The following ZPBP variants were observed in gnomAD, a reference collection of about 807,000 sequenced individuals.
The protein encoded by ZPBP is zona pellucida binding protein, also known as zona pellucida-binding protein 1.
In ZPBP, 26 loss-of-function variants were observed where a neutral mutation model predicts 44.8. The ratio of observed to expected loss-of-function variants is 0.58; its 90% CI spans 0.43 to 0.81. The LOEUF (loss-of-function observed/expected upper bound fraction) is 0.81, where lower values mean the gene tolerates loss of function less well. ZPBP is among the 30% of genes least tolerant of loss of function. The probability of loss-of-function intolerance (pLI) is 0.00; values close to 1 mark genes in which losing one functional copy is unlikely to be tolerated. For missense variants in ZPBP, 409 were observed against 434.0 expected (o/e 0.94, Z 0.51); for synonymous variants, 174 against 153.2 (o/e 1.14, Z -1.00).
chr7:50,041,266 T>C (rs908764052), intron 4 of ZPBP, among the ~76,000 whole-genome samples: 2 of 152,212 alleles, frequency 1.3e-5, no homozygotes, highest in Non-Finnish European at 2.9e-5. Context: ...CTGCCAGCTC[T>C]AAAGACAGCA....
chr7:49,935,560 G>A (rs562522074), downstream of ZPBP, among the ~76,000 whole-genome samples: 19 of 152,076 alleles, frequency 1.2e-4, no homozygotes, highest in South Asian at 2.7e-3. Flanking sequence ...CACCACGCCC[G>A]GCTAATTTTT....
chr7:49,928,495 C>G (rs1794329824), intron 1 of ZPBP, among the ~76,000 whole-genome samples: 1 of 152,210 alleles, frequency 6.6e-6, no homozygotes, highest in African/African-American at 2.4e-5. Flanking sequence ...TCCCCACTCT[C>G]CTTCAGGACC....
chr7:49,845,873 G>A (rs1027122487), downstream of ZPBP, among the ~76,000 whole-genome samples: 13 of 152,292 alleles, frequency 8.5e-5, no homozygotes, highest in African/African-American at 3.1e-4. Context: ...TAGTGTGAGT[G>A]CGTGTGCACA....
intron 7 of ZPBP, among the ~76,000 whole-genome samples, chr7:49,962,633 T>G (rs528481970): frequency 6.6e-6 from 1 of 151,768 alleles, no homozygotes; most frequent in Non-Finnish European, 1.5e-5. Context: ...AATAGTCTCA[T>G]GAGTCAATAA....
rs894029244 is a variant in ZPBP, at chr7:49,964,205, T to C, written c.961+19137A>G. Among the ~76,000 whole-genome samples the C allele has an allele frequency of 7.0e-4, 106 of 152,046 alleles. 1 individual carries two copies. Among genetic ancestry groups the C allele is most frequent in the African/African-American group, 2.4e-3 (100 of 41,558 alleles). On this transcript the variant is annotated intron_variant, in intron 7 of 7. Coordinates refer to ENST00000046087, the MANE Select transcript of ZPBP (RefSeq NM_007009.3). ...CTAACATCTGCTTCAAGGTAAAACATTGAATGATTTCTTTCTAAAATTGAG... is the reference window on the plus strand; with the variant it reads ...CTAACATCTGCTTCAAGGTAAAACACTGAATGATTTCTTTCTAAAATTGAG...
At chr7:50,058,579 C>A (rs1035783193) in intron 3 of ZPBP, among the ~76,000 whole-genome samples, 9 of 151,824 alleles carry the variant, frequency 5.9e-5, no homozygotes, top group African/African-American at 1.9e-4. Context: ...AAATAATATA[C>A]CCAGAATAAA....
intron 2 of ZPBP, among the ~76,000 whole-genome samples, chr7:49,863,147 T>C (rs1483494200): frequency 6.6e-6 from 1 of 152,210 alleles, no homozygotes; most frequent in Admixed American, 6.5e-5. Context: ...TCTTCACTTG[T>C]TATAGGTGTT....
At chr7:49,885,822 TGAG>T (rs1791879485) in intron 2 of ZPBP, among the ~76,000 whole-genome samples, 1 of 152,200 alleles carries the variant, frequency 6.6e-6, no homozygotes, top group East Asian at 1.9e-4. Flanking sequence ...GCCCTGGAGC[TGAG>T]AAGCAGCAGC....
At chr7:49,841,388 C>G in the ZPBP span, among the ~76,000 whole-genome samples, 1 of 150,452 alleles carries the variant, frequency 6.6e-6, no homozygotes, top group African/African-American at 2.5e-5. Context: ...TGTAGGCAAG[C>G]AAAAAGAAAC....
intron 6 of ZPBP, among the ~76,000 whole-genome samples, chr7:50,014,854 C>T (rs535340547): frequency 1.8e-4 from 27 of 152,152 alleles, no homozygotes; most frequent in Non-Finnish European, 3.8e-4. Context: ...TTACTGTAGT[C>T]TGGAGACAAT....
chr7:49,946,057 G>A (rs560008925), intron 7 of ZPBP, among the ~76,000 whole-genome samples: 1 of 152,066 alleles, frequency 6.6e-6, no homozygotes, highest in South Asian at 2.1e-4. Flanking sequence ...ACAACTTAAT[G>A]CTGATTGCAT....
chr7:49,983,872 C>A (rs1797135321), intron 6 of ZPBP, among the ~76,000 whole-genome samples: 1 of 151,934 alleles, frequency 6.6e-6, no homozygotes, highest in African/African-American at 2.4e-5. Context: ...TTATAAGCAT[C>A]TGTAAGAAGC....
At chr7:49,978,188 T>C (rs1796618637) in intron 7 of ZPBP, among the ~76,000 whole-genome samples, 1 of 151,692 alleles carries the variant, frequency 6.6e-6, no homozygotes, top group Non-Finnish European at 1.5e-5. Flanking sequence ...TCAGAATCTG[T>C]GTTTTCACAA....
intron 4 of ZPBP, among the ~76,000 whole-genome samples, chr7:50,033,498 A>C (rs1234162813): frequency 2.0e-5 from 3 of 152,118 alleles, no homozygotes; most frequent in Non-Finnish European, 4.4e-5. Flanking sequence ...GCATACTCTA[A>C]ATATTTTGGG....
At chr7:49,911,285 C>A (rs2128742690) in intron 1 of ZPBP, among the ~76,000 whole-genome samples, 1 of 151,898 alleles carries the variant, frequency 6.6e-6, no homozygotes, top group East Asian at 2.0e-4. Flanking sequence ...AGATCGAGAC[C>A]ATCCTGGCCA....
intron 7 of ZPBP, among the ~76,000 whole-genome samples, chr7:49,947,488 T>C (rs1795151357): frequency 6.6e-6 from 1 of 152,170 alleles, no homozygotes; most frequent in Non-Finnish European, 1.5e-5. Flanking sequence ...AGGTTTTGGG[T>C]AAGATTCAGA....
At chr7:49,959,248 A>T (rs1371400025) in intron 7 of ZPBP, among the ~76,000 whole-genome samples, 2 of 113,630 alleles carry the variant, frequency 1.8e-5, no homozygotes, top group African/African-American at 6.8e-5. Flanking sequence ...GGACCTAGTC[A>T]TTGCAATAAA....
intron 7 of ZPBP, among the ~76,000 whole-genome samples, chr7:49,947,492 A>G (rs1184185079): frequency 6.6e-6 from 1 of 152,170 alleles, no homozygotes; most frequent in South Asian, 2.1e-4. Context: ...TTTGGGTAAG[A>G]TTCAGAAGAA....
chr7:49,924,617 A>C (rs1401598382), intron 1 of ZPBP, among the ~76,000 whole-genome samples: 1 of 152,152 alleles, frequency 6.6e-6, no homozygotes. Flanking sequence ...AGAAGTCATA[A>C]TAGAATGGAA....
Sources: gnomAD v4.1 joint callset for allele counts (sites outside exome capture counted in the v4.1 genomes callset) on GRCh38, gnomAD v4.1.1 for gene constraint, MANE v1.5 for transcripts, NCBI Gene and HGNC (gene_info 2026-07-23, HGNC 2026-07-21) for gene names.